CD160: variants seen among roughly 807,000 people sequenced by gnomAD.
The protein encoded by CD160 is CD160 antigen.
CD160 carries 11 observed loss-of-function variants against 19.2 expected under a neutral mutation model. That is an observed-to-expected ratio of 0.57 (90% CI 0.36 to 0.95). The LOEUF (loss-of-function observed/expected upper bound fraction) is 0.95. CD160 is among the 40% of genes least tolerant of loss of function. The probability of loss-of-function intolerance (pLI) is 0.01; values close to 1 mark genes in which losing one functional copy is unlikely to be tolerated. For synonymous variants in CD160, 75 were observed against 81.1 expected (o/e 0.93, Z 0.40); for missense variants, 182 against 213.2 (o/e 0.85, Z 0.91).
chr1:145,738,248 AGCG>A (rs1553710508), intron 5 of CD160: 1 of 337,870 alleles, frequency 3.0e-6, no homozygotes, highest in Non-Finnish European at 5.4e-6. Flanking sequence ...TCCAGCAAGG[AGCG>A]ATCAAAGGCT....
intron 2 of CD160, among the ~76,000 whole-genome samples, chr1:145,727,613 A>C (rs1202813916): frequency 1.3e-5 from 2 of 152,236 alleles, no homozygotes; most frequent in Non-Finnish European, 2.9e-5. Context: ...TCATAAAAAA[A>C]GTGAAGAGAC....
rs1220607981 is a variant in CD160, at chr1:145,730,940, AATATCATCTC to A, written c.272_281del (p.Ile91SerfsTer2). ...ATCCTGGGATAGATGGTGTTGGTGA[AATATCATCTC>A]AGTTGATGTTCACCATAAGCCAAGT... On this transcript the variant is annotated frameshift_variant, in exon 4 of 6. Transcript: ENST00000369288. LOFTEE classifies it high-confidence loss of function. 1 of 1,614,142 alleles carries A rather than the reference AATATCATCTC, an allele frequency of 6.2e-7. No individual in the cohort carries two copies. The highest frequency in any genetic ancestry group is 8.5e-7 in the Non-Finnish European group (1 of 1,180,000).
Position 145,728,253 on chromosome 1 carries a change from T to C in CD160, c.-72-3T>C, listed in dbSNP as rs1019969949. 3 of 1,092,350 alleles carry C rather than the reference T, an allele frequency of 2.7e-6. No homozygotes were observed. The highest frequency in any genetic ancestry group is 1.7e-5 in the Admixed American group (1 of 57,850). The allele number at this position is 1,092,350 out of a possible 1,614,324, so 67.7% of individuals were successfully genotyped here. ...TGTCTAGTGGGTCCCCCTGTGCTTTTAGGAGACTGAAGCCAAGGATACCAG... is the reference window on the plus strand; with the variant it reads ...TGTCTAGTGGGTCCCCCTGTGCTTTCAGGAGACTGAAGCCAAGGATACCAG... On this transcript the variant is annotated splice_region_variant and splice_polypyrimidine_tract_variant and intron_variant, in intron 2 of 5. Transcript: ENST00000369288.
At chr1:145,720,020 T>A (rs1044305688) in intron 1 of CD160, among the ~76,000 whole-genome samples, 3 of 152,216 alleles carry the variant, frequency 2.0e-5, no homozygotes, top group Non-Finnish European at 4.4e-5. Flanking sequence ...GAAAAATACA[T>A]CTTTATTTTC....
intron 4 of CD160, among the ~76,000 whole-genome samples, chr1:145,732,786 A>T (rs1553709582): frequency 6.6e-6 from 1 of 152,228 alleles, no homozygotes; most frequent in Non-Finnish European, 1.5e-5. Flanking sequence ...AATAACACAG[A>T]ATCCAAATTA....
At chr1:145,727,935 A>G (rs1657116747) in intron 2 of CD160, among the ~76,000 whole-genome samples, 1 of 152,382 alleles carries the variant, frequency 6.6e-6, no homozygotes, top group East Asian at 1.9e-4. Flanking sequence ...ACATCTGATT[A>G]TCAACAGCCT....
intron 2 of CD160, among the ~76,000 whole-genome samples, chr1:145,725,486 T>A (rs1657023241): frequency 6.6e-6 from 1 of 152,116 alleles, no homozygotes; most frequent in African/African-American, 2.4e-5. Context: ...GGCTTCAGTT[T>A]TTGTTTGTTT....
rs1553710117 is a variant in CD160 at position 145,736,154 on chromosome 1, A to T, written c.538+20A>T. On this transcript the variant is annotated intron_variant, in intron 5 of 5. Transcript: ENST00000369288. ...TTCAAGGTATGTCCAAAAGAGCCGT[A>T]AGCACCCCAAGCAATGAGGGTGCTA... 1 of 1,613,908 alleles carries T rather than the reference A, an allele frequency of 6.2e-7. No individual in the cohort carries two copies. The highest frequency in any genetic ancestry group is 8.5e-7 in the Non-Finnish European group (1 of 1,180,000).
At chr1:145,735,629 A>C (rs782226630) in intron 4 of CD160, among the ~76,000 whole-genome samples, 5 of 152,052 alleles carry the variant, frequency 3.3e-5, no homozygotes, top group Non-Finnish European at 7.4e-5. Context: ...AAAAACCCAG[A>C]TCTATTCCAA....
intron 4 of CD160, among the ~76,000 whole-genome samples, chr1:145,733,702 C>T (rs1342257478): frequency 6.6e-6 from 1 of 152,160 alleles, no homozygotes; most frequent in East Asian, 1.9e-4. Flanking sequence ...TGTGACTGTA[C>T]TCCCCTGGCT....
intron 4 of CD160, among the ~76,000 whole-genome samples, chr1:145,733,908 C>T (rs1452839806): frequency 6.6e-6 from 1 of 151,618 alleles, no homozygotes; most frequent in African/African-American, 2.4e-5. Context: ...AGCTTGAACA[C>T]CTTTCCTAAG....
intron 4 of CD160, 119 bp downstream of exon 4, chr1:145,731,189 C>A: frequency 1.3e-6 from 1 of 743,072 alleles, no homozygotes; most frequent in Non-Finnish European, 2.3e-6. Flanking sequence ...CAATCCTTTT[C>A]CAACATCCCC....
chr1:145,725,255 T>C (rs1180141553), intron 2 of CD160, among the ~76,000 whole-genome samples: 1 of 151,710 alleles, frequency 6.6e-6, no homozygotes, highest in Non-Finnish European at 1.5e-5. Flanking sequence ...CCGTCTCTAC[T>C]AAAAATACAA....
intron 4 of CD160, among the ~76,000 whole-genome samples, chr1:145,735,462 T>TGC (rs1657444168): frequency 6.6e-6 from 1 of 152,140 alleles, no homozygotes; most frequent in Non-Finnish European, 1.5e-5. Flanking sequence ...GGCACATGCC[T>TGC]GTAGTCCCAG....
intron 4 of CD160, among the ~76,000 whole-genome samples, chr1:145,735,743 C>G (rs902968520): frequency 2.0e-5 from 3 of 152,176 alleles, no homozygotes; most frequent in African/African-American, 2.4e-5. Flanking sequence ...TCAGCTATCT[C>G]TGTGGCAAAA....
intron 2 of CD160, among the ~76,000 whole-genome samples, chr1:145,725,282 G>C (rs965761769): frequency 1.1e-4 from 16 of 151,866 alleles, no homozygotes; most frequent in African/African-American, 3.9e-4. Context: ...GCCGAGCGCA[G>C]TGGCAGGCGC....
chr1:145,736,308 G>T, intron 5 of CD160, 174 bp downstream of exon 5: 1 of 1,540,662 alleles, frequency 6.5e-7, no homozygotes, highest in Non-Finnish European at 8.8e-7. Flanking sequence ...CTGATCCAAA[G>T]GCACTAAGGA....
chr1:145,723,314 G>A (rs782810909), intron 1 of CD160, among the ~76,000 whole-genome samples: 5 of 152,022 alleles, frequency 3.3e-5, no homozygotes, highest in African/African-American at 1.2e-4. Context: ...GGTCCTATTC[G>A]GAATGTTGTT....
chr1:145,731,972 G>A (rs1023945), intron 4 of CD160, among the ~76,000 whole-genome samples: 83,654 of 152,010 alleles, frequency 0.55, 24,451 homozygotes, highest in African/African-American at 0.74. Flanking sequence ...CAAACTGTGA[G>A]GCAGCAAGGC....
Sources: gnomAD v4.1 joint callset for allele counts (sites outside exome capture counted in the v4.1 genomes callset) on GRCh38, gnomAD v4.1.1 for gene constraint, MANE v1.5 for transcripts, NCBI Gene and HGNC (gene_info 2026-07-23, HGNC 2026-07-21) for gene names.